The following SERPINE2 variants were observed in gnomAD, a reference collection of about 807,000 sequenced individuals.
SERPINE2 encodes glia-derived nexin.
A neutral mutation model predicts 36.3 loss-of-function variants in SERPINE2; 14 were observed. The observed-to-expected ratio is 0.39, with a 90% CI of 0.25 to 0.60. SERPINE2 has a LOEUF of 0.60. Among genes scored for constraint, SERPINE2 ranks in the 20% least tolerant of loss-of-function variants. The pLI is 0.57. For synonymous variants in SERPINE2, 192 were observed against 191.8 expected (o/e 1.00, Z -0.01); for missense variants, 418 against 499.6 (o/e 0.84, Z 1.56).
intron 4 of SERPINE2, 93 bp downstream of exon 4, chr2:223,991,710 A>G: frequency 7.7e-7 from 1 of 1,305,634 alleles, no homozygotes; most frequent in South Asian, 1.2e-5. Flanking sequence ...AAAAGATGAA[A>G]AGTTAGATTT....
At chr2:224,030,709 A>T (rs1692334379) in intron 1 of SERPINE2, 1 of 152,756 alleles carries the variant, frequency 6.5e-6, no homozygotes, top group Admixed American at 6.5e-5. Flanking sequence ...ATTTTGAAAT[A>T]AAGGTAACTA....
At chr2:223,996,984 G>A (rs961463403) in intron 3 of SERPINE2, among the ~76,000 whole-genome samples, 16 of 152,258 alleles carry the variant, frequency 1.1e-4, no homozygotes, top group Non-Finnish European at 1.9e-4. Context: ...GGCTGAGGTG[G>A]GAGGATTACT....
chr2:224,004,886 G>C (rs189661280), intron 1 of SERPINE2, among the ~76,000 whole-genome samples: 2 of 150,842 alleles, frequency 1.3e-5, no homozygotes. Context: ...AATGCTCCTA[G>C]ATTAGTGAAT....
At chr2:224,003,184 C>T (rs1256068000) in intron 1 of SERPINE2, among the ~76,000 whole-genome samples, 2 of 151,848 alleles carry the variant, frequency 1.3e-5, no homozygotes, top group Non-Finnish European at 2.9e-5. Flanking sequence ...AGAGCAGGGC[C>T]GAGGCCCTGA....
intron 1 of SERPINE2, among the ~76,000 whole-genome samples, chr2:224,037,389 T>G (rs187722056): frequency 2.0e-5 from 3 of 152,034 alleles, no homozygotes; most frequent in African/African-American, 7.3e-5. Flanking sequence ...AGCTTGCGGG[T>G]TGGAGGCACT....
Position 224,006,031 on chromosome 2 carries a change from G to A in SERPINE2, c.-22-4109C>T, listed in dbSNP as rs1263660366. On this transcript the variant is annotated intron_variant, in intron 1 of 8. Transcript: ENST00000409304. The stretch of plus-strand genomic sequence containing the variant: ...GGGTACTGCTTTGAGTTTTAACCAT[G>A]ATTTAACGTAGTAAATAATGGGATG... Among the ~76,000 whole-genome samples, 3 of 152,188 alleles carry A rather than the reference G, an allele frequency of 2.0e-5. No individual in the cohort carries two copies. The East Asian group carries it at 5.8e-4, about 29-fold the overall frequency.
intron 3 of SERPINE2, 150 bp downstream of exon 3, chr2:223,997,965 G>C (rs1386874354): frequency 9.2e-6 from 6 of 652,406 alleles, no homozygotes; most frequent in Non-Finnish European, 1.6e-5. Context: ...GAAGGGGAAG[G>C]AGGGAGACTG....
At chr2:224,005,240 AG>A (rs1691380394) in intron 1 of SERPINE2, among the ~76,000 whole-genome samples, 1 of 151,748 alleles carries the variant, frequency 6.6e-6, no homozygotes, top group African/African-American at 2.4e-5. Flanking sequence ...TTTCGCTAAA[AG>A]AACAGTTTTC....
intron 1 of SERPINE2, among the ~76,000 whole-genome samples, chr2:224,004,024 CT>C (rs1219662868): frequency 1.3e-5 from 2 of 152,222 alleles, no homozygotes; most frequent in Admixed American, 6.5e-5. Flanking sequence ...ACTTTCTGTG[CT>C]TCCCACCCTA....
At position 224,024,091 on chromosome 2, in the gene SERPINE2, T is replaced by C. The variant is rs572709354; in HGVS notation, c.-23+15008A>G. Among the ~76,000 whole-genome samples the C allele has an allele frequency of 2.0e-5, 3 of 152,302 alleles. No homozygotes were observed. In the East Asian group the frequency reaches 5.8e-4, roughly 29 times the overall value. On this transcript the variant is annotated intron_variant, in intron 1 of 8. Transcript: ENST00000409304. ...TATAGTAAGTAAATAAAAATATATG[T>C]ATCTGTAGGCACAAGGTATAGAAAT...
intron 1 of SERPINE2, among the ~76,000 whole-genome samples, chr2:224,023,452 A>G (rs374907399): frequency 5.9e-5 from 9 of 152,152 alleles, no homozygotes; most frequent in Non-Finnish European, 1.2e-4. Flanking sequence ...TTTACTTACT[A>G]TCTTTCCCAG....
intron 2 of SERPINE2, among the ~76,000 whole-genome samples, chr2:224,000,728 T>A (rs1691088454): frequency 6.6e-6 from 1 of 152,012 alleles, no homozygotes; most frequent in Admixed American, 6.5e-5. Flanking sequence ...GATGTTCCCC[T>A]CCCTGTGTCC....
chr2:224,004,687 T>C (rs1691324933), intron 1 of SERPINE2, among the ~76,000 whole-genome samples: 1 of 152,102 alleles, frequency 6.6e-6, no homozygotes, highest in Admixed American at 6.6e-5. Flanking sequence ...GAGCAATAAA[T>C]ATCCTCTTTA....
intron 4 of SERPINE2, 55 bp downstream of exon 4, chr2:223,991,748 G>A (rs1690680275): frequency 6.4e-7 from 1 of 1,561,402 alleles, no homozygotes; most frequent in Non-Finnish European, 8.8e-7. Context: ...AAGCACTCAA[G>A]GGCCTTTCTG....
At chr2:223,998,387 T>C (rs917417623) in intron 2 of SERPINE2, 45 bp from the exon 3 acceptor site, 21 of 1,492,906 alleles carry the variant, frequency 1.4e-5, no homozygotes, top group Non-Finnish European at 1.4e-5. Context: ...CATAAGAATC[T>C]AGAAAAGTTT....
At chr2:223,982,288 G>A (rs6754490) in intron 6 of SERPINE2, 126,672 of 154,584 alleles carry the variant, frequency 0.82, 52,025 homozygotes, top group Admixed American at 0.85. Context: ...AAAGGCATAC[G>A]GAGTGGTATA....
At chr2:224,024,441 T>C (rs1692117424) in intron 1 of SERPINE2, among the ~76,000 whole-genome samples, 1 of 152,204 alleles carries the variant, frequency 6.6e-6, no homozygotes, top group African/African-American at 2.4e-5. Flanking sequence ...CTCCATTTCC[T>C]TTGCTACAGT....
At chr2:223,982,112 T>C (rs1195649858) in intron 6 of SERPINE2, 2 of 149,994 alleles carry the variant, frequency 1.3e-5, no homozygotes, top group South Asian at 2.1e-4. Flanking sequence ...AAATGAGGTA[T>C]GTACACATCA....
intron 4 of SERPINE2, among the ~76,000 whole-genome samples, chr2:223,987,232 T>G (rs144050747): frequency 0.016 from 2,507 of 152,296 alleles, 59 homozygotes; most frequent in Admixed American, 0.07. Context: ...AGCTGGCCCA[T>G]AGCAAAAACT....
Sources: allele counts gnomAD v4.1 joint callset (sites outside exome capture counted in the v4.1 genomes callset), GRCh38; gene constraint gnomAD v4.1.1; transcripts MANE v1.5; gene names NCBI Gene and HGNC (gene_info 2026-07-23, HGNC 2026-07-21).